TMA16: variants seen among roughly 807,000 people sequenced by gnomAD.
TMA16 encodes the protein translation machinery-associated protein 16.
TMA16 carries 26 observed loss-of-function variants against 27.1 expected under a neutral mutation model. The observed-to-expected ratio is 0.96, with a 90% CI of 0.70 to 1.33. TMA16 has a LOEUF of 1.33. Ranked by LOEUF, TMA16 falls within the 40% of genes most tolerant of loss-of-function variation. The probability of loss-of-function intolerance (pLI) is 0.00; values close to 1 mark genes in which losing one functional copy is unlikely to be tolerated. For missense variants in TMA16, 233 were observed against 241.4 expected (o/e 0.97, Z 0.23); for synonymous variants, 71 against 81.9 (o/e 0.87, Z 0.72).
intron 1 of TMA16, among the ~76,000 whole-genome samples, chr4:163,500,226 T>G (rs1015860238): frequency 1.3e-5 from 2 of 150,928 alleles, no homozygotes; most frequent in Non-Finnish European, 3.0e-5. Context: ...TTTTTTTTTT[T>G]TTGAGTAGGA....
intron 2 of TMA16, 56 bp from the exon 3 acceptor site, chr4:163,512,765 AG>A: frequency 7.4e-7 from 1 of 1,347,992 alleles, no homozygotes; most frequent in Non-Finnish European, 1.0e-6. Context: ...TTATTGTCAG[AG>A]TTTTAAAACT....
At chr4:163,505,696 A>G (rs1737709968) in intron 1 of TMA16, among the ~76,000 whole-genome samples, 1 of 152,204 alleles carries the variant, frequency 6.6e-6, no homozygotes, top group African/African-American at 2.4e-5. Context: ...GGTTGGGGCT[A>G]GATTGTTTCT....
intron 5 of TMA16, chr4:163,515,693 A>G: frequency 2.4e-6 from 1 of 412,162 alleles, no homozygotes; most frequent in East Asian, 4.4e-5. Flanking sequence ...TTTTACCGTG[A>G]TAGTAATACT....
intron 3 of TMA16, 107 bp from the exon 4 acceptor site, chr4:163,513,967 A>G: frequency 1.4e-6 from 1 of 737,146 alleles, no homozygotes; most frequent in Non-Finnish European, 2.1e-6. Context: ...CATTGACATA[A>G]ATTTTGGTTC....
intron 5 of TMA16, chr4:163,517,208 C>G: frequency 1.9e-6 from 1 of 521,226 alleles, no homozygotes; most frequent in Non-Finnish European, 3.4e-6. Flanking sequence ...GGCCTAATAG[C>G]TTTGTTTTAT....
At chr4:163,494,869 CAGAG>C (rs1737525563) in intron 1 of TMA16, 65 bp downstream of exon 1, 5 of 1,603,950 alleles carry the variant, frequency 3.1e-6, no homozygotes, top group African/African-American at 1.3e-5. Context: ...GTTGAGCAGG[CAGAG>C]AGGGAGGGTG....
At chr4:163,503,757 A>G (rs900245535) in intron 1 of TMA16, among the ~76,000 whole-genome samples, 1 of 152,168 alleles carries the variant, frequency 6.6e-6, no homozygotes, top group Non-Finnish European at 1.5e-5. Flanking sequence ...TTATTTTATG[A>G]TAGAGTTTTA....
chr4:163,514,968 A>C (rs1737852751), intron 4 of TMA16, among the ~76,000 whole-genome samples: 2 of 150,796 alleles, frequency 1.3e-5, no homozygotes, highest in South Asian at 4.2e-4. Context: ...GAGATAGGGA[A>C]CCCAGGAGAT....
At position 163,517,579 on chromosome 4, in the gene TMA16, G is replaced by T. The variant is rs1579021378; in HGVS notation, c.431+103G>T. 9.7e-6 allele frequency: 11 copies of T among 1,129,808 alleles called. No individual in the cohort carries two copies. In the East Asian group the frequency reaches 2.0e-4, roughly 21 times the overall value. The allele number at this position is 1,129,808 out of a possible 1,614,324, so 70.0% of individuals were successfully genotyped here. On this transcript the variant is annotated intron_variant, in intron 6 of 6. Coordinates refer to ENST00000358572, the MANE Select transcript of TMA16 (RefSeq NM_018352.3). ...AGCCGGTAGAACTAAAAGAAAATCG[G>T]GTTTCTTTTAACCTTTTCTTTTTTA...
intron 2 of TMA16, among the ~76,000 whole-genome samples, chr4:163,510,127 T>G (rs1011349077): frequency 1.3e-5 from 2 of 152,204 alleles, no homozygotes; most frequent in Admixed American, 6.5e-5. Context: ...GCAACTTGAC[T>G]TCTAACTAGA....
In TMA16 at chr4:163,494,736, C is replaced by T. The variant is rs1234593513; in HGVS notation, c.-66C>T. On this transcript the variant is annotated 5_prime_UTR_variant, in exon 1 of 7. Coordinates refer to ENST00000358572, the MANE Select transcript of TMA16 (RefSeq NM_018352.3). The stretch of plus-strand genomic sequence containing the variant: ...CCGGGTGCTCTTGTGAGCTGCTGCT[C>T]CTGCGGTTGGTGAGATTACCTGGGT... 1.9e-6 allele frequency: 3 copies of T among 1,611,722 alleles called. No individual in the cohort carries two copies. The highest frequency in any genetic ancestry group is 1.7e-5 in the Admixed American group (1 of 59,954).
intron 6 of TMA16, 126 bp downstream of exon 6, chr4:163,517,602 T>C: frequency 2.5e-6 from 2 of 808,792 alleles, no homozygotes; most frequent in Admixed American, 6.1e-5. Context: ...CTTTTCTTTT[T>C]TATCTGACCA....
chr4:163,507,425 A>T (rs1026577043), intron 2 of TMA16, among the ~76,000 whole-genome samples: 2 of 152,190 alleles, frequency 1.3e-5, no homozygotes, highest in Admixed American at 6.6e-5. Context: ...TGGGATAGTC[A>T]TGGAAGCCTT....
intron 4 of TMA16, 129 bp downstream of exon 4, chr4:163,514,287 C>A: frequency 1.4e-6 from 1 of 730,016 alleles, no homozygotes; most frequent in Non-Finnish European, 2.1e-6. Flanking sequence ...AAGACTATTT[C>A]CTGGCTTAGT....
chr4:163,516,745 T>A (rs901152492), intron 5 of TMA16, among the ~76,000 whole-genome samples: 25 of 150,914 alleles, frequency 1.7e-4, no homozygotes, highest in African/African-American at 4.6e-4. Context: ...TTAAGCAAAA[T>A]TTTTTTTTTA....
intron 5 of TMA16, 148 bp from the exon 6 acceptor site, chr4:163,517,285 CT>C (rs1285103516): frequency 2.9e-6 from 2 of 689,838 alleles, no homozygotes; most frequent in East Asian, 5.5e-5. Flanking sequence ...AAACTAACCC[CT>C]TTTGCAAATT....
In TMA16 at chr4:163,494,713, G is replaced by A; in HGVS notation, c.-89G>A. 19 of 1,587,688 alleles carry A rather than the reference G, an allele frequency of 1.2e-5. No individual in the cohort carries two copies. The highest frequency in any genetic ancestry group is 1.6e-5 in the Non-Finnish European group (19 of 1,158,368). ...TCAGGCGCCACGTGGGATTCGGCCC[G>A]GGTGCTCTTGTGAGCTGCTGCTCCT... On this transcript the variant is annotated 5_prime_UTR_variant, in exon 1 of 7. Coordinates refer to ENST00000358572, the MANE Select transcript of TMA16 (RefSeq NM_018352.3).
chr4:163,509,926 C>G (rs1249116701), intron 2 of TMA16, among the ~76,000 whole-genome samples: 1 of 152,222 alleles, frequency 6.6e-6, no homozygotes, highest in African/African-American at 2.4e-5. Context: ...GTAAGAATCT[C>G]AGAAACAACT....
intron 1 of TMA16, among the ~76,000 whole-genome samples, chr4:163,497,376 A>G (rs2110785777): frequency 6.6e-6 from 1 of 152,386 alleles, no homozygotes; most frequent in African/African-American, 2.4e-5. Flanking sequence ...ATGGTTTCTC[A>G]TAAAAATTGT....
Sources: gnomAD v4.1 joint callset for allele counts (sites outside exome capture counted in the v4.1 genomes callset) on GRCh38, gnomAD v4.1.1 for gene constraint, MANE v1.5 for transcripts, NCBI Gene and HGNC (gene_info 2026-07-23, HGNC 2026-07-21) for gene names.